EFHC2: variants seen among roughly 807,000 people sequenced by gnomAD.
EFHC2 encodes the protein EF-hand domain-containing family member C2.
A neutral mutation model predicts 52.7 loss-of-function variants in EFHC2; 18 were observed. The ratio of observed to expected loss-of-function variants is 0.34; its 90% CI spans 0.24 to 0.51. EFHC2 has a LOEUF of 0.51. Ranked by LOEUF, EFHC2 falls within the 20% of genes least tolerant of loss-of-function variation. The pLI is 0.97. For missense variants in EFHC2, 513 were observed against 562.5 expected, an observed-to-expected ratio of 0.91 and a Z score of 0.89; for synonymous variants, 203 against 204.1, an observed-to-expected ratio of 0.99 and a Z score of 0.04.
At chrX:44,289,007 C>G (rs1389214917) in intron 2 of EFHC2, among the ~76,000 whole-genome samples, 1 of 111,541 alleles carries the variant, frequency 9.0e-6, no homozygotes, top group Non-Finnish European at 1.9e-5. Flanking sequence ...TTTCTATTAC[C>G]TAGAACCCCA....
At chrX:44,230,459 C>T (rs1435988704) in intron 10 of EFHC2, among the ~76,000 whole-genome samples, 2 of 111,636 alleles carry the variant, frequency 1.8e-5, no homozygotes, top group African/African-American at 3.3e-5. Flanking sequence ...CTCTCTCCCA[C>T]CAGAAAATGA....
chrX:44,200,674 G>C (rs1362096411), intron 11 of EFHC2, among the ~76,000 whole-genome samples: 1 of 111,748 alleles, frequency 8.9e-6, no homozygotes, highest in Non-Finnish European at 1.9e-5. Context: ...AACAAGAACA[G>C]GTTGAGAGTT....
At chrX:44,166,517 G>C (rs1475935124) in intron 13 of EFHC2, among the ~76,000 whole-genome samples, 17 of 111,177 alleles carry the variant, frequency 1.5e-4, no homozygotes, top group African/African-American at 5.6e-4. Context: ...GAAGCTCAAG[G>C]AAGTAGTCCA....
At chrX:44,269,307 C>T (rs1481185032) in intron 3 of EFHC2, among the ~76,000 whole-genome samples, 1 of 110,977 alleles carries the variant, frequency 9.0e-6, no homozygotes, top group Non-Finnish European at 1.9e-5. Context: ...GATTCAAACC[C>T]CAATCCTGTT....
intron 13 of EFHC2, among the ~76,000 whole-genome samples, chrX:44,164,674 T>C (rs926897454): frequency 8.9e-6 from 1 of 111,890 alleles, no homozygotes; most frequent in Non-Finnish European, 1.9e-5. Context: ...ATGGTAGCAA[T>C]AGACTTACAT....
At chrX:44,279,964 G>C (rs1048418559) in intron 2 of EFHC2, among the ~76,000 whole-genome samples, 7 of 106,692 alleles carry the variant, frequency 6.6e-5, no homozygotes, top group African/African-American at 2.1e-4. Flanking sequence ...TAAAAATCCT[G>C]ATGCATTGGC....
chrX:44,181,420 C>T (rs2147282015), intron 11 of EFHC2, among the ~76,000 whole-genome samples: 1 of 110,691 alleles, frequency 9.0e-6, no homozygotes, highest in Admixed American at 9.6e-5. Flanking sequence ...AAGTGGCATG[C>T]TCCCAAGGAC....
At chrX:44,232,370 T>C (rs1444155274) in intron 10 of EFHC2, 111 bp downstream of exon 10, 2 of 542,578 alleles carry the variant, frequency 3.7e-6, no homozygotes, top group South Asian at 7.9e-5. Context: ...CATGTGTGAA[T>C]GCACAATGTA....
At chrX:44,295,015 C>G (rs758123689) in intron 2 of EFHC2, among the ~76,000 whole-genome samples, 6 of 111,875 alleles carry the variant, frequency 5.4e-5, no homozygotes, top group Non-Finnish European at 9.4e-5. Context: ...GTAGGTAATA[C>G]TGTGATTCTC....
At chrX:44,167,269 T>A (rs2036703187) in intron 13 of EFHC2, among the ~76,000 whole-genome samples, 1 of 112,171 alleles carries the variant, frequency 8.9e-6, no homozygotes, top group African/African-American at 3.2e-5. Context: ...AAAGTCCCAT[T>A]TCAAATGTTG....
At chrX:44,262,531 A>AAAAAAAGAAAAG (rs2037548744) in intron 3 of EFHC2, among the ~76,000 whole-genome samples, 2 of 93,674 alleles carry the variant, frequency 2.1e-5, no homozygotes, top group Admixed American at 1.4e-4. Context: ...AAAAAAAAAA[A>AAAAAAAGAAAAG]AAAAGAAAAG....
chrX:44,288,180 T>G, intron 2 of EFHC2, among the ~76,000 whole-genome samples: 1 of 110,703 alleles, frequency 9.0e-6, no homozygotes, highest in Non-Finnish European at 1.9e-5. Context: ...TTAGGAAAAT[T>G]GATTTTGGTA....
intron 1 of EFHC2, among the ~76,000 whole-genome samples, chrX:44,337,711 C>T (rs945608165): frequency 2.2e-4 from 25 of 111,944 alleles, no homozygotes; most frequent in Non-Finnish European, 4.1e-4. Flanking sequence ...CACATAAATT[C>T]GGAACTGGCC....
chrX:44,299,329 C>G (rs750129176), intron 2 of EFHC2, among the ~76,000 whole-genome samples: 2 of 111,328 alleles, frequency 1.8e-5, no homozygotes, highest in Non-Finnish European at 3.8e-5. Flanking sequence ...CCAGCATTAT[C>G]GTCAACACAG....
At chrX:44,217,740 T>C (rs930565531) in intron 11 of EFHC2, among the ~76,000 whole-genome samples, 1 of 110,041 alleles carries the variant, frequency 9.1e-6, no homozygotes, top group Non-Finnish European at 1.9e-5. Context: ...TGGGGATGGT[T>C]AATGGGTACA....
At chrX:44,186,584 G>A (rs1465816458) in intron 11 of EFHC2, among the ~76,000 whole-genome samples, 5 of 111,206 alleles carry the variant, frequency 4.5e-5, no homozygotes, top group South Asian at 3.8e-4. Context: ...CTTGGTTCCC[G>A]ATGGTTTAGA....
chrX:44,178,267 T>C (rs2036805562), intron 12 of EFHC2, 100 bp downstream of exon 12: 7 of 774,068 alleles, frequency 9.0e-6, no homozygotes, highest in Non-Finnish European at 1.3e-5. Flanking sequence ...TGATGACACA[T>C]GTCTATTTTC....
intron 1 of EFHC2, among the ~76,000 whole-genome samples, chrX:44,342,875 C>CAAAAAAA (rs377220378): frequency 1.7e-5 from 1 of 57,406 alleles, no homozygotes. Context: ...GACTCCGTCT[C>CAAAAAAA]AAAAAAAAAA....
intron 14 of EFHC2, among the ~76,000 whole-genome samples, chrX:44,149,540 G>A (rs1385425702): frequency 9.0e-6 from 1 of 111,475 alleles, no homozygotes; most frequent in African/African-American, 3.3e-5. Context: ...TTTAAAGACA[G>A]GGTATCACTT....
Sources: gnomAD v4.1 joint callset for allele counts (sites outside exome capture counted in the v4.1 genomes callset) on GRCh38, gnomAD v4.1.1 for gene constraint, MANE v1.5 for transcripts, NCBI Gene and HGNC (gene_info 2026-07-23, HGNC 2026-07-21) for gene names.